The following SLC71A1 variants were observed in gnomAD, a reference collection of about 807,000 sequenced individuals.
SLC71A1 encodes hippocampus abundant gene transcript 1.
chr1:100,064,954 C>G, the SLC71A1 span, among the ~76,000 whole-genome samples: 2 of 152,072 alleles, frequency 1.3e-5, no homozygotes, highest in African/African-American at 2.4e-5. Flanking sequence ...GGTGCCGTTA[C>G]AGCTCACTGC....
At chr1:100,056,830 T>C in the SLC71A1 span, among the ~76,000 whole-genome samples, 1 of 152,174 alleles carries the variant, frequency 6.6e-6, no homozygotes, top group East Asian at 1.9e-4. Flanking sequence ...TGTTCCCTTT[T>C]CTCCACATCC....
chr1:100,062,344 T>A, the SLC71A1 span, among the ~76,000 whole-genome samples: 1 of 152,224 alleles, frequency 6.6e-6, no homozygotes, highest in Non-Finnish European at 1.5e-5. Context: ...TTTTTGTGGC[T>A]TTGTGGGCCA....
chr1:100,044,641 A>T, the SLC71A1 span, among the ~76,000 whole-genome samples: 11 of 149,572 alleles, frequency 7.4e-5, no homozygotes, highest in African/African-American at 2.7e-4. Flanking sequence ...TCAGCCTCCC[A>T]AGTAGCTGGG....
chr1:100,053,533 T>C, the SLC71A1 span, among the ~76,000 whole-genome samples: 3 of 152,336 alleles, frequency 2.0e-5, no homozygotes, highest in African/African-American at 4.8e-5. Context: ...TCAACAGTTA[T>C]ATCATAGTTT....
At chr1:100,064,172 C>T in the SLC71A1 span, among the ~76,000 whole-genome samples, 6 of 152,158 alleles carry the variant, frequency 3.9e-5, no homozygotes, top group Non-Finnish European at 7.3e-5. Context: ...GACGGAGTCT[C>T]GCTCTGTCAC....
chr1:100,082,493 A>G, the SLC71A1 span: 2 of 369,790 alleles, frequency 5.4e-6, no homozygotes, highest in Admixed American at 4.3e-5. Context: ...TATATATGTA[A>G]CTTCTTAGAT....
the SLC71A1 span, among the ~76,000 whole-genome samples, chr1:100,042,641 C>G: frequency 2.0e-5 from 3 of 150,158 alleles, no homozygotes; most frequent in South Asian, 2.1e-4. Flanking sequence ...GAGTTTTGCT[C>G]TTGTTGCTCA....
At chr1:100,058,943 C>A in the SLC71A1 span, among the ~76,000 whole-genome samples, 9 of 151,958 alleles carry the variant, frequency 5.9e-5, no homozygotes, top group Non-Finnish European at 1.2e-4. Flanking sequence ...ACAATATAGC[C>A]AATCATGCAT....
the SLC71A1 span, among the ~76,000 whole-genome samples, chr1:100,074,675 G>A: frequency 1.3e-5 from 2 of 151,888 alleles, no homozygotes; most frequent in African/African-American, 4.8e-5. Context: ...TCAGAAGTTC[G>A]AAACCAGCCT....
the SLC71A1 span, among the ~76,000 whole-genome samples, chr1:100,056,723 A>G: frequency 6.6e-6 from 1 of 152,200 alleles, no homozygotes; most frequent in Non-Finnish European, 1.5e-5. Context: ...GGATTGCTGG[A>G]TCATATGGTA....
the SLC71A1 span, among the ~76,000 whole-genome samples, chr1:100,051,352 C>CT: frequency 6.6e-6 from 1 of 152,090 alleles, no homozygotes; most frequent in African/African-American, 2.4e-5. Context: ...GACTGCACCA[C>CT]TACCCTCCAG....
the SLC71A1 span, chr1:100,083,319 A>AGAAAT: frequency 6.6e-5 from 10 of 152,562 alleles, no homozygotes; most frequent in Non-Finnish European, 1.0e-4. Context: ...AGGTCTTAAA[A>AGAAAT]GAAATGTAAA....
chr1:100,064,922 A>G, the SLC71A1 span, among the ~76,000 whole-genome samples: 105 of 151,582 alleles, frequency 6.9e-4, no homozygotes, highest in Non-Finnish European at 1.3e-3. Flanking sequence ...GTCTCACTCT[A>G]TTGCCCAGGC....
At chr1:100,038,813 C>T in the SLC71A1 span, among the ~76,000 whole-genome samples, 2 of 152,254 alleles carry the variant, frequency 1.3e-5, no homozygotes, top group African/African-American at 4.8e-5. Context: ...AGTACGTTCG[C>T]TTTCTGTTTC....
chr1:100,057,055 C>T, the SLC71A1 span, among the ~76,000 whole-genome samples: 1 of 152,168 alleles, frequency 6.6e-6, no homozygotes. Context: ...GCCCCTTATA[C>T]ATTTTTGTTA....
the SLC71A1 span, chr1:100,050,105 C>T: frequency 1.5e-6 from 1 of 676,194 alleles, no homozygotes; most frequent in Non-Finnish European, 2.6e-6. Context: ...GTTAATTCTC[C>T]CACCAGTATT....
At chr1:100,043,257 TAAA>T in the SLC71A1 span, 1 of 878,600 alleles carries the variant, frequency 1.1e-6, no homozygotes, top group Non-Finnish European at 1.4e-6. Context: ...CTGTATGATT[TAAA>T]AGTTTCAATT....
the SLC71A1 span, chr1:100,080,787 GT>G: frequency 2.5e-6 from 2 of 809,134 alleles, no homozygotes; most frequent in Non-Finnish European, 3.9e-6. Context: ...AAAAACCAGA[GT>G]TTAAGGGACT....
the SLC71A1 span, among the ~76,000 whole-genome samples, chr1:100,053,492 A>G: frequency 1.3e-5 from 2 of 152,218 alleles, no homozygotes; most frequent in Non-Finnish European, 2.9e-5. Flanking sequence ...TTATATTTTA[A>G]GTCAGTATCT....
Sources: gnomAD v4.1 joint callset for allele counts (sites outside exome capture counted in the v4.1 genomes callset) on GRCh38, gnomAD v4.1.1 for gene constraint, MANE v1.5 for transcripts, NCBI Gene and HGNC (gene_info 2026-07-23, HGNC 2026-07-21) for gene names.